Variants in CNTN5 observed in about 807,000 individuals in gnomAD.
The protein encoded by CNTN5 is contactin-5.
A neutral mutation model predicts 129.1 loss-of-function variants in CNTN5; 77 were observed. That is an observed-to-expected ratio of 0.60 (90% CI 0.50 to 0.72). The LOEUF (loss-of-function observed/expected upper bound fraction) is 0.72, where lower values mean the gene tolerates loss of function less well. Ranked by LOEUF, CNTN5 falls within the 30% of genes least tolerant of loss-of-function variation. CNTN5 has a pLI of 0.00. For synonymous variants in CNTN5, 509 were observed against 465.6 expected, an observed-to-expected ratio of 1.09 and a Z score of -1.20; for missense variants, 1,478 against 1,328.8, an observed-to-expected ratio of 1.11 and a Z score of -1.75.
rs551241907 is a variant in CNTN5 at position 99,962,673 on chromosome 11, A to C, written c.877+5664A>C. Among the ~76,000 whole-genome samples the C allele has an allele frequency of 4.5e-3, 677 of 150,934 alleles. 8 individuals carry two copies. The highest frequency in any genetic ancestry group is 0.015 in the African/African-American group (630 of 40,710). ...TTTATAGTCATTTGGTTATATACCC[A>C]GTAATGGGATGGCTGGGTCAAATGG... On this transcript the variant is annotated intron_variant, in intron 8 of 24. Transcript: ENST00000524871.
At chr11:100,191,056 A>C (rs1948470285) in intron 13 of CNTN5, 70 bp from the exon 14 acceptor site, 1 of 1,082,844 alleles carries the variant, frequency 9.2e-7, no homozygotes, top group African/African-American at 1.6e-5. Context: ...TTTAGACTTC[A>C]TCATTGGTTC....
At chr11:100,314,052 A>G (rs1591506143) in intron 21 of CNTN5, among the ~76,000 whole-genome samples, 1 of 152,246 alleles carries the variant, frequency 6.6e-6, no homozygotes, top group East Asian at 1.9e-4. Context: ...TAGTAACCTT[A>G]ATAATGCCAC....
intron 2 of CNTN5, among the ~76,000 whole-genome samples, chr11:99,466,112 G>C (rs1187317431): frequency 2.6e-5 from 4 of 152,178 alleles, no homozygotes; most frequent in Middle Eastern, 3.4e-3. Flanking sequence ...TCGATCTCCT[G>C]ACCTCGTGAT....
intron 3 of CNTN5, among the ~76,000 whole-genome samples, chr11:99,792,620 G>T (rs928571256): frequency 6.8e-6 from 1 of 146,028 alleles, no homozygotes; most frequent in Non-Finnish European, 1.5e-5. Flanking sequence ...GTATTAAGAT[G>T]ATGCTGGCCT....
At chr11:99,583,704 T>C (rs1392696463) in intron 3 of CNTN5, among the ~76,000 whole-genome samples, 1 of 152,138 alleles carries the variant, frequency 6.6e-6, no homozygotes. Flanking sequence ...AGTGACCTGA[T>C]TTTCCAGGTG....
intron 3 of CNTN5, among the ~76,000 whole-genome samples, chr11:99,622,163 T>C (rs866990318): frequency 1.3e-5 from 2 of 152,208 alleles, no homozygotes; most frequent in Non-Finnish European, 2.9e-5. Flanking sequence ...AACTTTTTCA[T>C]TCACATGTAG....
chr11:99,099,175 G>GT (rs1412946010), intron 1 of CNTN5, among the ~76,000 whole-genome samples: 1 of 152,088 alleles, frequency 6.6e-6, no homozygotes, highest in Non-Finnish European at 1.5e-5. Context: ...AAAGGAGTTT[G>GT]TTATGAGTAG....
chr11:100,185,376 C>A (rs1051911163), intron 13 of CNTN5, among the ~76,000 whole-genome samples: 11 of 152,082 alleles, frequency 7.2e-5, no homozygotes, highest in Admixed American at 4.6e-4. Context: ...TCATTCTCCA[C>A]CCTTCAGTAC....
chr11:99,930,389 C>T (rs1950163841), intron 7 of CNTN5, among the ~76,000 whole-genome samples: 1 of 152,070 alleles, frequency 6.6e-6, no homozygotes, highest in African/African-American at 2.4e-5. Context: ...TGTTCAATTC[C>T]TAGGATCTTA....
At position 100,356,828 on chromosome 11, in the gene CNTN5, C is replaced by A. The variant is rs1952534925; in HGVS notation, c.*608C>A. On this transcript the variant is annotated 3_prime_UTR_variant, in exon 25 of 25. Coordinates refer to ENST00000524871, the MANE Select transcript of CNTN5 (RefSeq NM_014361.4). Reference sequence around the variant, plus strand: ...TCAATATGCTATTCTATATGCACCCCTAGAGCAAGTCATTAGGGTAGGGAA... The same window carrying A: ...TCAATATGCTATTCTATATGCACCCATAGAGCAAGTCATTAGGGTAGGGAA... The A allele has an allele frequency of 6.6e-6, 1 of 152,422 alleles. No homozygotes were observed. Among genetic ancestry groups the A allele is most frequent in the Admixed American group, 6.6e-5 (1 of 15,258 alleles). The allele number at this position is 152,422 out of a possible 1,614,324, so 9.4% of individuals were successfully genotyped here.
intron 3 of CNTN5, among the ~76,000 whole-genome samples, chr11:99,600,469 C>T (rs1275965349): frequency 1.3e-5 from 2 of 152,072 alleles, no homozygotes; most frequent in Non-Finnish European, 2.9e-5. Flanking sequence ...AGGGAAAGGC[C>T]AAGGACTAAC....
intron 3 of CNTN5, among the ~76,000 whole-genome samples, chr11:99,768,721 G>T (rs1944842672): frequency 6.6e-6 from 1 of 152,096 alleles, no homozygotes; most frequent in African/African-American, 2.4e-5. Flanking sequence ...GACTCACAAT[G>T]CCAGTTTGTC....
chr11:100,251,931 A>G (rs1039669481), intron 16 of CNTN5, among the ~76,000 whole-genome samples: 1 of 152,110 alleles, frequency 6.6e-6, no homozygotes, highest in Non-Finnish European at 1.5e-5. Flanking sequence ...GGATACATGC[A>G]TAATAGTGGA....
intron 2 of CNTN5, among the ~76,000 whole-genome samples, chr11:99,509,536 A>C (rs1946755291): frequency 6.6e-6 from 1 of 152,142 alleles, no homozygotes; most frequent in Non-Finnish European, 1.5e-5. Flanking sequence ...TGAAATTTTA[A>C]AGCAGTCTTT....
At chr11:99,925,632 T>C (rs1173269052) in intron 7 of CNTN5, among the ~76,000 whole-genome samples, 2 of 152,238 alleles carry the variant, frequency 1.3e-5, no homozygotes, top group Non-Finnish European at 2.9e-5. Context: ...AGGTCTTCAG[T>C]TTTTGTGTAT....
At chr11:99,996,964 G>GT (rs1308771363) in intron 8 of CNTN5, among the ~76,000 whole-genome samples, 1 of 152,018 alleles carries the variant, frequency 6.6e-6, no homozygotes, top group Non-Finnish European at 1.5e-5. Context: ...TGAGATTTTG[G>GT]TGGGGACACA....
intron 7 of CNTN5, among the ~76,000 whole-genome samples, chr11:99,945,677 A>T (rs968445265): frequency 3.3e-5 from 5 of 152,026 alleles, no homozygotes; most frequent in African/African-American, 4.8e-5. Context: ...GAGGCCCTAT[A>T]AACAAGCTCA....
rs534333452 is a variant in CNTN5 at position 100,256,322 on chromosome 11, C to T, written c.2164+404C>T. Among the ~76,000 whole-genome samples the T allele has an allele frequency of 5.2e-4, 79 of 152,242 alleles. 1 individual carries two copies. The highest frequency in any genetic ancestry group is 1.6e-3 in the Admixed American group (24 of 15,290). On this transcript the variant is annotated intron_variant, in intron 17 of 24. Coordinates refer to ENST00000524871, the MANE Select transcript of CNTN5 (RefSeq NM_014361.4). Reference sequence around the variant, plus strand: ...TAAGATTCAGACCTTATTAGGATCTCACTAGTTTTGATATGCAATTGTTTT... The same window carrying T: ...TAAGATTCAGACCTTATTAGGATCTTACTAGTTTTGATATGCAATTGTTTT...
intron 3 of CNTN5, among the ~76,000 whole-genome samples, chr11:99,578,108 T>A (rs1193207247): frequency 1.3e-5 from 2 of 151,968 alleles, no homozygotes; most frequent in Admixed American, 1.3e-4. Flanking sequence ...GATAGTTTGC[T>A]GAGAATGATG....
Sources: allele counts gnomAD v4.1 joint callset (sites outside exome capture counted in the v4.1 genomes callset), GRCh38; gene constraint gnomAD v4.1.1; transcripts MANE v1.5; gene names NCBI Gene and HGNC (gene_info 2026-07-23, HGNC 2026-07-21).